Variants in GPC5 observed in about 807,000 individuals in gnomAD.
The protein encoded by GPC5 is glypican-5.
In GPC5, 47 loss-of-function variants were observed where a neutral mutation model predicts 53.9. The observed-to-expected ratio is 0.87, with a 90% CI of 0.69 to 1.11. The LOEUF (loss-of-function observed/expected upper bound fraction) is 1.11. Ranked by LOEUF, GPC5 falls within the 50% of genes most tolerant of loss-of-function variation. The pLI, the probability that GPC5 is intolerant of heterozygous loss-of-function variation, is 0.00. For missense variants in GPC5, 748 were observed against 713.1 expected, an observed-to-expected ratio of 1.05 and a Z score of -0.56; for synonymous variants, 286 against 263.3, an observed-to-expected ratio of 1.09 and a Z score of -0.84.
chr13:91,719,353 C>T (rs1027609853), intron 3 of GPC5, among the ~76,000 whole-genome samples: 1 of 152,222 alleles, frequency 6.6e-6, no homozygotes, highest in Non-Finnish European at 1.5e-5. Flanking sequence ...AGGATCAAGT[C>T]TATGAAGCCT....
chr13:91,858,577 C>T (rs1854738), intron 5 of GPC5, among the ~76,000 whole-genome samples: 134,248 of 151,988 alleles, frequency 0.88, 59,663 homozygotes, highest in East Asian at 1. Flanking sequence ...TAGTATGTTG[C>T]TGAGCATTTT....
At chr13:92,210,120 G>A (rs2042364480) in intron 7 of GPC5, among the ~76,000 whole-genome samples, 1 of 151,910 alleles carries the variant, frequency 6.6e-6, no homozygotes, top group Non-Finnish European at 1.5e-5. Flanking sequence ...AATCTCCTTT[G>A]GCAACACCCT....
intron 7 of GPC5, among the ~76,000 whole-genome samples, chr13:92,640,144 G>A (rs761492367): frequency 2.6e-5 from 4 of 151,432 alleles, no homozygotes; most frequent in Non-Finnish European, 5.9e-5. Context: ...ATATATACAC[G>A]TGTGTATGTA....
chr13:91,582,080 G>T (rs896952346), intron 2 of GPC5, among the ~76,000 whole-genome samples: 2 of 152,036 alleles, frequency 1.3e-5, no homozygotes, highest in Admixed American at 1.3e-4. Context: ...TAGACAAAAT[G>T]TCTACACCAA....
chr13:92,631,977 C>T (rs1166255703), intron 7 of GPC5, among the ~76,000 whole-genome samples: 6 of 152,090 alleles, frequency 3.9e-5, no homozygotes, highest in African/African-American at 1.4e-4. Flanking sequence ...CAATCTGAAA[C>T]ATTTCAGGTC....
chr13:91,867,884 A>G (rs980676248), intron 5 of GPC5, among the ~76,000 whole-genome samples: 10 of 152,172 alleles, frequency 6.6e-5, no homozygotes, highest in African/African-American at 2.4e-4. Context: ...TCTGATAAAT[A>G]TTGTTCATGT....
intron 2 of GPC5, among the ~76,000 whole-genome samples, chr13:91,488,289 A>C (rs1883730730): frequency 6.6e-6 from 1 of 152,126 alleles, no homozygotes; most frequent in Non-Finnish European, 1.5e-5. Context: ...CTTGATTTTC[A>C]ATTTATAAAC....
intron 6 of GPC5, among the ~76,000 whole-genome samples, chr13:91,967,993 G>A (rs2040196787): frequency 6.6e-6 from 1 of 151,892 alleles, no homozygotes; most frequent in African/African-American, 2.4e-5. Context: ...CTGTAACTAT[G>A]TATTCTTTGG....
chr13:91,413,701 T>G lies in GPC5; in HGVS notation c.163+14492T>G, dbSNP rs909890750. On this transcript the variant is annotated intron_variant, in intron 1 of 7. Transcript: ENST00000377067. ...GAGTCCAATAGCAGCAAAACAATAG[T>G]CACTCTCACTGTTCTTTATCCTGAT... 4.6e-5 allele frequency among the ~76,000 whole-genome samples: 7 copies of G among 152,302 alleles called. No homozygotes were observed. The East Asian group carries it at 1.4e-3, about 29-fold the overall frequency.
At chr13:91,489,753 A>G (rs1883828983) in intron 2 of GPC5, among the ~76,000 whole-genome samples, 1 of 152,228 alleles carries the variant, frequency 6.6e-6, no homozygotes. Context: ...CATATTATGA[A>G]CATTTTAGCA....
At chr13:92,641,010 A>G (rs1262280171) in intron 7 of GPC5, among the ~76,000 whole-genome samples, 2 of 152,094 alleles carry the variant, frequency 1.3e-5, no homozygotes, top group African/African-American at 4.8e-5. Flanking sequence ...GGCGAATACC[A>G]TTTGCAACCA....
In GPC5 at chr13:92,462,718, C is replaced by CTT. The variant is rs35798030; in HGVS notation, c.1561+317743_1561+317744dup. On this transcript the variant is annotated intron_variant, in intron 7 of 7. Coordinates refer to ENST00000377067, the MANE Select transcript of GPC5 (RefSeq NM_004466.6). ...AACAAATTTTGTGTTTTGTTCATGT[C>CTT]TTTTTTTTTTTTTTTCGCCCGGAGT... is the stretch of plus-strand genomic sequence containing the variant. 3.9e-3 allele frequency among the ~76,000 whole-genome samples: 534 copies of CTT among 136,964 alleles called. 7 individuals are homozygous for CTT. The highest frequency in any genetic ancestry group is 9.2e-3 in the East Asian group (43 of 4,652). The allele number at this position is 136,964 out of a possible 152,430, so 89.9% of individuals were successfully genotyped here.
At chr13:92,739,178 T>A (rs1889021865) in intron 7 of GPC5, among the ~76,000 whole-genome samples, 1 of 152,070 alleles carries the variant, frequency 6.6e-6, no homozygotes, top group Non-Finnish European at 1.5e-5. Context: ...CTCTATATGT[T>A]TTTAGCAAGG....
At chr13:92,454,721 T>A (rs1878195037) in intron 7 of GPC5, among the ~76,000 whole-genome samples, 2 of 152,264 alleles carry the variant, frequency 1.3e-5, no homozygotes, top group South Asian at 2.1e-4. Context: ...GGAGCCTTTG[T>A]CCTCACCGAT....
intron 7 of GPC5, among the ~76,000 whole-genome samples, chr13:92,465,798 G>A (rs1043407227): frequency 2.6e-5 from 4 of 151,942 alleles, no homozygotes; most frequent in Admixed American, 6.6e-5. Context: ...GTCCAATGAC[G>A]TTCATTAAAA....
intron 6 of GPC5, among the ~76,000 whole-genome samples, chr13:92,024,932 T>C (rs1808062683): frequency 6.6e-6 from 1 of 152,174 alleles, no homozygotes; most frequent in South Asian, 2.1e-4. Flanking sequence ...TAGGATTTTA[T>C]TAAATTTGTG....
At chr13:92,457,422 C>A (rs1486568024) in intron 7 of GPC5, among the ~76,000 whole-genome samples, 1 of 152,006 alleles carries the variant, frequency 6.6e-6, no homozygotes, top group Non-Finnish European at 1.5e-5. Flanking sequence ...CCTTCTCCTT[C>A]CCCAGTTGTG....
chr13:91,994,320 A>G (rs1012326767), intron 6 of GPC5, among the ~76,000 whole-genome samples: 1 of 152,198 alleles, frequency 6.6e-6, no homozygotes, highest in Non-Finnish European at 1.5e-5. Context: ...TGTGCCTGAC[A>G]CGTTACTACT....
chr13:92,134,501 A>G (rs967454776), intron 6 of GPC5, among the ~76,000 whole-genome samples: 1 of 152,138 alleles, frequency 6.6e-6, no homozygotes, highest in Non-Finnish European at 1.5e-5. Context: ...AAAGAGATGA[A>G]GGCTTTTGGC....
Sources: gnomAD v4.1 joint callset for allele counts (sites outside exome capture counted in the v4.1 genomes callset) on GRCh38, gnomAD v4.1.1 for gene constraint, MANE v1.5 for transcripts, NCBI Gene and HGNC (gene_info 2026-07-23, HGNC 2026-07-21) for gene names.